Variants in TLN2 observed in about 807,000 individuals in gnomAD.
TLN2 encodes talin-2.
Under a neutral mutation model 294.7 loss-of-function variants are expected in TLN2, and 118 were observed. The ratio of observed to expected loss-of-function variants is 0.40; its 90% CI spans 0.34 to 0.47. TLN2 has a LOEUF of 0.47. TLN2 is among the 20% of genes least tolerant of loss of function. TLN2 has a pLI of 0.84. For synonymous variants in TLN2, 1,431 were observed against 1,304.5 expected (o/e 1.10, Z -2.09); for missense variants, 3,083 against 3,282.2 (o/e 0.94, Z 1.48).
intron 28 of TLN2, among the ~76,000 whole-genome samples, chr15:62,736,220 T>G (rs1042843298): frequency 2.0e-5 from 3 of 150,832 alleles, no homozygotes; most frequent in Admixed American, 2.0e-4. Context: ...CTTGGGAGGC[T>G]GAGGCAGGAG....
intron 1 of TLN2, among the ~76,000 whole-genome samples, chr15:62,468,293 C>T (rs1027545622): frequency 3.9e-5 from 6 of 152,080 alleles, no homozygotes; most frequent in Non-Finnish European, 5.9e-5. Flanking sequence ...TTTGAAATGC[C>T]TGCAACAGAA....
intron 1 of TLN2, among the ~76,000 whole-genome samples, chr15:62,483,853 G>A (rs1013550587): frequency 2.6e-5 from 4 of 152,244 alleles, no homozygotes; most frequent in Non-Finnish European, 5.9e-5. Flanking sequence ...AGCTCCTGCT[G>A]TGTAGCTGGA....
chr15:62,721,936 A>T (rs536773615), intron 25 of TLN2, among the ~76,000 whole-genome samples: 1 of 152,180 alleles, frequency 6.6e-6, no homozygotes, highest in Non-Finnish European at 1.5e-5. Context: ...TTGCTTTGTG[A>T]GGTGCGAGGT....
chr15:62,744,311 G>T (rs953042052), intron 32 of TLN2, among the ~76,000 whole-genome samples: 1 of 150,960 alleles, frequency 6.6e-6, no homozygotes, highest in Admixed American at 6.6e-5. Context: ...CAACTTCTTT[G>T]TACCTTGTCT....
intron 47 of TLN2, among the ~76,000 whole-genome samples, chr15:62,796,674 T>C (rs2065503792): frequency 6.6e-6 from 1 of 152,170 alleles, no homozygotes; most frequent in Non-Finnish European, 1.5e-5. Context: ...AAAGCCCCTA[T>C]CTCTGCTCAG....
intron 1 of TLN2, among the ~76,000 whole-genome samples, chr15:62,580,207 G>A (rs1351015300): frequency 6.6e-6 from 1 of 152,150 alleles, no homozygotes. Context: ...TTTCTTCGGA[G>A]CAGTTTTGGG....
chr15:62,827,701 A>T (rs953662333), intron 54 of TLN2: 14 of 152,244 alleles, frequency 9.2e-5, no homozygotes, highest in African/African-American at 3.4e-4. Flanking sequence ...TATTGGAATT[A>T]TGGATACATA....
At chr15:62,542,083 A>G (rs2041724869) in intron 1 of TLN2, among the ~76,000 whole-genome samples, 1 of 152,094 alleles carries the variant, frequency 6.6e-6, no homozygotes, top group Non-Finnish European at 1.5e-5. Context: ...TCCCTCACTG[A>G]TCTGTAAGAT....
At chr15:62,821,033 TC>T (rs947932575) in intron 54 of TLN2, among the ~76,000 whole-genome samples, 4 of 152,240 alleles carry the variant, frequency 2.6e-5, no homozygotes, top group Non-Finnish European at 4.4e-5. Context: ...GTGCACCCAC[TC>T]CAGGCTTTGT....
intron 13 of TLN2, 21 bp downstream of exon 13, chr15:62,692,962 T>C (rs2058042840): frequency 6.3e-7 from 1 of 1,589,190 alleles, no homozygotes. Context: ...TTGATGCAAA[T>C]TGGAAAAGCA....
At chr15:62,757,441 T>A (rs924680147) in intron 37 of TLN2, among the ~76,000 whole-genome samples, 2 of 152,238 alleles carry the variant, frequency 1.3e-5, no homozygotes, top group Admixed American at 6.5e-5. Context: ...TCAATCATTT[T>A]CTGGTCGTTA....
chr15:62,736,845 C>T (rs372581075), intron 28 of TLN2, 33 bp from the exon 29 acceptor site: 50 of 1,607,300 alleles, frequency 3.1e-5, no homozygotes, highest in Admixed American at 1.8e-4. Context: ...TAGATGGAGT[C>T]TAATTGGAAA....
intron 1 of TLN2, among the ~76,000 whole-genome samples, chr15:62,412,222 C>A (rs954186271): frequency 6.6e-6 from 1 of 152,132 alleles, no homozygotes; most frequent in Non-Finnish European, 1.5e-5. Flanking sequence ...GGTGAACTTG[C>A]ATGCATACTA....
chr15:62,477,930 A>C (rs941941182), intron 1 of TLN2, among the ~76,000 whole-genome samples: 6 of 111,460 alleles, frequency 5.4e-5, no homozygotes, highest in East Asian at 2.6e-4. Flanking sequence ...GGCAGAGGGG[A>C]GCGGGGCGTT....
At position 62,655,892 on chromosome 15, in the gene TLN2, A is replaced by G. The variant is rs186867449; in HGVS notation, c.518-52A>G. On this transcript the variant is annotated intron_variant, in intron 7 of 58. Transcript: ENST00000636159. ...ACTGCTCTTTTGGTAAATTCCCTTT[A>G]ATTAACAGGAAAAATAAACACAGTT... 2.8e-4 allele frequency: 449 copies of G among 1,603,154 alleles called. 2 individuals are homozygous for G. In the Admixed American group the frequency reaches 7.5e-3, roughly 27 times the overall value.
rs987898619 is a variant in TLN2 at position 62,661,522 on chromosome 15, G to A, written c.788+3624G>A. 7.9e-5 allele frequency among the ~76,000 whole-genome samples: 12 copies of A among 152,152 alleles called. 1 individual carries two copies. Among genetic ancestry groups the A allele is most frequent in the African/African-American group, 1.7e-4 (7 of 41,456 alleles). ...AGGTATGTTGACCATTAAAATAGGAGAAGTGCAGGGCGGCTTATGGAAACA... is the reference window on the plus strand; with the variant it reads ...AGGTATGTTGACCATTAAAATAGGAAAAGTGCAGGGCGGCTTATGGAAACA... On this transcript the variant is annotated intron_variant, in intron 9 of 58. Transcript: ENST00000636159.
chr15:62,546,801 A>G (rs1297727063), intron 1 of TLN2, among the ~76,000 whole-genome samples: 2 of 152,238 alleles, frequency 1.3e-5, no homozygotes, highest in Non-Finnish European at 2.9e-5. Flanking sequence ...ATAAAGCTCA[A>G]CCTTGAAAGC....
In TLN2 at chr15:62,761,576, A is replaced by C. The variant is rs955984958; in HGVS notation, c.4639-105A>C. The C allele has an allele frequency of 4.7e-6, 7 of 1,492,226 alleles. No individual in the cohort carries two copies. The African/African-American group carries it at 9.7e-5, about 21-fold the overall frequency. 92.4% of individuals were successfully genotyped at this position (1,492,226 alleles called of 1,614,324 possible). A position where few individuals can be genotyped will look rare whatever the true frequency, so the allele number is the denominator to read the frequency against. On this transcript the variant is annotated intron_variant, in intron 37 of 58. Coordinates refer to ENST00000636159, the MANE Select transcript of TLN2 (RefSeq NM_015059.3). ...GTTTATGAAGTCACCAGAGATTTTC[A>C]GTGTTCCGGTTGAACCACCTTCTTT...
chr15:62,526,051 T>C (rs925446357), intron 1 of TLN2, among the ~76,000 whole-genome samples: 1 of 151,922 alleles, frequency 6.6e-6, no homozygotes, highest in African/African-American at 2.4e-5. Flanking sequence ...GTCATGTAGA[T>C]TATATATTTA....
Sources: allele counts gnomAD v4.1 joint callset (sites outside exome capture counted in the v4.1 genomes callset), GRCh38; gene constraint gnomAD v4.1.1; transcripts MANE v1.5; gene names NCBI Gene and HGNC (gene_info 2026-07-23, HGNC 2026-07-21).